Variants in SCGB3A1 observed in about 807,000 individuals in gnomAD.
The protein encoded by SCGB3A1 is cytokine HIN-1.
SCGB3A1 carries 7 observed loss-of-function variants against 7.6 expected under a neutral mutation model. That is an observed-to-expected ratio of 0.93 (90% CI 0.53 to 1.74). SCGB3A1 has a LOEUF of 1.74. SCGB3A1 is among the 40% of genes most tolerant of loss of function. The pLI is 0.00. For missense variants in SCGB3A1, 119 were observed against 129.0 expected, an observed-to-expected ratio of 0.92 and a Z score of 0.38; for synonymous variants, 67 against 66.6, an observed-to-expected ratio of 1.01 and a Z score of -0.03.
intron 1 of SCGB3A1, 188 bp from the exon 2 acceptor site, chr5:180,591,026 C>A (rs1264877825): frequency 3.8e-6 from 2 of 533,260 alleles, no homozygotes; most frequent in South Asian, 2.7e-5. Flanking sequence ...GGGGAGGCGG[C>A]CCCGCCAGGA....
At chr5:180,591,170 G>A in intron 1 of SCGB3A1, 1 of 407,208 alleles carries the variant, frequency 2.5e-6, no homozygotes, top group Non-Finnish European at 4.3e-6. Context: ...GTCTCCAGAC[G>A]GGGGGCAGAC....
chr5:180,590,144 G>T lies in SCGB3A1; in HGVS notation c.*87C>A. The T allele has an allele frequency of 7.1e-7, 1 of 1,418,370 alleles. No homozygotes were observed. Among genetic ancestry groups the T allele is most frequent in the Non-Finnish European group, 9.8e-7 (1 of 1,024,092 alleles). 87.9% of individuals were successfully genotyped at this position (1,418,370 alleles called of 1,614,324 possible). A position where few individuals can be genotyped will look rare whatever the true frequency, so the allele number is the denominator to read the frequency against. On this transcript the variant is annotated 3_prime_UTR_variant, in exon 3 of 3. Transcript: ENST00000292641. Reference sequence around the variant, plus strand: ...TTTATTGAGAGGGGCCGGGGGAAGGGGATGGACGGTCCTCCCCGCGGCGGG... The same window carrying T: ...TTTATTGAGAGGGGCCGGGGGAAGGTGATGGACGGTCCTCCCCGCGGCGGG...
In SCGB3A1 at chr5:180,590,204, C is replaced by T. The variant is rs1414486808; in HGVS notation, c.*27G>A. The T allele has an allele frequency of 6.3e-7, 1 of 1,578,476 alleles. No individual in the cohort carries two copies. The highest frequency in any genetic ancestry group is 1.2e-5 in the South Asian group (1 of 86,058). On this transcript the variant is annotated 3_prime_UTR_variant, in exon 3 of 3. Coordinates refer to ENST00000292641, the MANE Select transcript of SCGB3A1 (RefSeq NM_052863.3). Reference sequence around the variant, plus strand: ...CCTCGCGGGTGGGCAGCGTCTTGTCCTCAGGTGTAGATGCTCCAGTCTCGG... The same window carrying T: ...CCTCGCGGGTGGGCAGCGTCTTGTCTTCAGGTGTAGATGCTCCAGTCTCGG...
At chr5:180,591,274 G>C in intron 1 of SCGB3A1, 137 bp downstream of exon 1, 1 of 679,712 alleles carries the variant, frequency 1.5e-6, no homozygotes, top group Non-Finnish European at 2.0e-6. Context: ...GCGGGGCCCC[G>C]GGGTGGCGGA....
rs747353871 is a variant in SCGB3A1 at position 180,590,744 on chromosome 5, G to C, written c.147C>G (p.Asn49Lys). ...AAEAGAGTLA[N>K]PLGTLNPLKL... is the part of the protein sequence containing the mutation. Reference sequence around the variant, plus strand: ...TCAGCGGGTTGAGGGTGCCGAGGGGGTTGGCCAGGGTCCCGGCCCCGGCCT... The same window carrying C: ...TCAGCGGGTTGAGGGTGCCGAGGGGCTTGGCCAGGGTCCCGGCCCCGGCCT... Residue 49 changes from asparagine to lysine, a missense_variant, in exon 2 of 3, where the codon AAC (asparagine) becomes AAG (lysine). Transcript: ENST00000292641. 2.5e-6 allele frequency: 4 copies of C among 1,583,042 alleles called. No individual in the cohort carries two copies. The South Asian group carries it at 3.5e-5, about 14-fold the overall frequency.
At chr5:180,590,569 G>T (rs762727950) in intron 2 of SCGB3A1, 31 bp downstream of exon 2, 4 of 1,546,880 alleles carry the variant, frequency 2.6e-6, no homozygotes, top group South Asian at 2.3e-5. Context: ...GGATGCCCGC[G>T]CAGGAAGGGC....
chr5:180,590,782 C>T lies in SCGB3A1; in HGVS notation c.109G>A (p.Glu37Lys), dbSNP rs954806841. Residue 37 changes from glutamate to lysine, a missense_variant, in exon 2 of 3, where the codon GAG becomes AAG. Coordinates refer to ENST00000292641, the MANE Select transcript of SCGB3A1 (RefSeq NM_052863.3). Reference sequence around the variant, plus strand: ...CCGGCCCCGGCCTCCGCCGCCGACTCCAGCGCAGCGACAGGCTGGGCCACA... The same window carrying T: ...CCGGCCCCGGCCTCCGCCGCCGACTTCAGCGCAGCGACAGGCTGGGCCACA... The part of the protein sequence containing the change: ...KPVAQPVAAL[E>K]SAAEAGAGTL... 99 of 1,597,534 alleles carry T rather than the reference C, an allele frequency of 6.2e-5. No individual in the cohort carries two copies. The highest frequency in any genetic ancestry group is 7.8e-5 in the Non-Finnish European group (91 of 1,172,744).
chr5:180,590,550 GC>G lies in SCGB3A1; in HGVS notation c.291+49del, dbSNP rs932747188. 7 of 1,456,016 alleles carry G rather than the reference GC, an allele frequency of 4.8e-6. No homozygotes were observed. The African/African-American group carries it at 9.8e-5, about 20-fold the overall frequency. The allele number at this position is 1,456,016 out of a possible 1,614,324, so 90.2% of individuals were successfully genotyped here. ...CACCTCTGGTGCAGTTTTGAGGCTG[GC>G]CGGGAAGGGATGCCCGCGCAGGAAG... is the stretch of plus-strand genomic sequence containing the variant. On this transcript the variant is annotated intron_variant, in intron 2 of 2. Transcript: ENST00000292641.
At chr5:180,590,366 C>G (rs1372261718) in intron 2 of SCGB3A1, 112 bp from the exon 3 acceptor site, 5 of 1,411,448 alleles carry the variant, frequency 3.5e-6, no homozygotes, top group Non-Finnish European at 4.8e-6. Context: ...GTTCCGCTGG[C>G]GTCTCCGGGG....
At chr5:180,590,895 TC>T in intron 1 of SCGB3A1, 57 bp from the exon 2 acceptor site, 2 of 1,339,886 alleles carry the variant, frequency 1.5e-6, no homozygotes, top group Admixed American at 2.2e-5. Context: ...AGAAGGCAGG[TC>T]CAGGACGCGC....
At chr5:180,590,433 C>A (rs1761290575) in intron 2 of SCGB3A1, among the ~76,000 whole-genome samples, 167 bp downstream of exon 2, 1 of 152,226 alleles carries the variant, frequency 6.6e-6, no homozygotes. Context: ...CTCGGATGCG[C>A]CCCACCCAGT....
chr5:180,590,750 C>A lies in SCGB3A1; in HGVS notation c.141G>T (p.Leu47=). ...ESAAEAGAGT[L]ANPLGTLNPL... is the part of the protein sequence containing the mutation. ...GGTTGAGGGTGCCGAGGGGGTTGGC[C>A]AGGGTCCCGGCCCCGGCCTCCGCCG... The change falls in exon 2 of 3, where the codon CTG becomes CTT. Residue 47 remains leucine (L), a synonymous_variant. Coordinates refer to ENST00000292641, the MANE Select transcript of SCGB3A1 (RefSeq NM_052863.3). 6.3e-7 allele frequency: 1 copy of A among 1,583,782 alleles called. No individual in the cohort carries two copies. Among genetic ancestry groups the A allele is most frequent in the East Asian group, 2.3e-5 (1 of 42,822 alleles).
At chr5:180,590,931 G>T (rs1457588344) in intron 1 of SCGB3A1, 93 bp from the exon 2 acceptor site, 4 of 897,716 alleles carry the variant, frequency 4.5e-6, no homozygotes, top group Non-Finnish European at 6.5e-6. Flanking sequence ...CCCAGGAACC[G>T]TCGCGCCCTG....
intron 2 of SCGB3A1, 23 bp downstream of exon 2, chr5:180,590,577 G>A: frequency 1.3e-6 from 2 of 1,577,350 alleles, no homozygotes; most frequent in South Asian, 1.1e-5. Flanking sequence ...GCGCAGGAAG[G>A]GCACCCGGGG....
In SCGB3A1 at chr5:180,590,847, G is replaced by C. The variant is rs1412928683; in HGVS notation, c.53-9C>G. ...CACTAAGAAAGCAGCAGCTGCAAGCGAACAGGGAGGGGTCACCGCCTGCGC... is the reference window on the plus strand; with the variant it reads ...CACTAAGAAAGCAGCAGCTGCAAGCCAACAGGGAGGGGTCACCGCCTGCGC... On this transcript the variant is annotated splice_polypyrimidine_tract_variant and intron_variant, in intron 1 of 2. Coordinates refer to ENST00000292641, the MANE Select transcript of SCGB3A1 (RefSeq NM_052863.3). 2 of 1,595,378 alleles carry C rather than the reference G, an allele frequency of 1.3e-6. No homozygotes were observed. The highest frequency in any genetic ancestry group is 2.2e-5 in the South Asian group (2 of 89,272).
At chr5:180,590,370 TC>T in intron 2 of SCGB3A1, 116 bp from the exon 3 acceptor site, 1 of 1,375,806 alleles carries the variant, frequency 7.3e-7, no homozygotes, top group South Asian at 1.3e-5. Flanking sequence ...CGCTGGCGTC[TC>T]CGGGGGACGC....
chr5:180,591,394 G>A lies in SCGB3A1; in HGVS notation c.52+17C>T. 1 of 1,224,262 alleles carries A rather than the reference G, an allele frequency of 8.2e-7. No homozygotes were observed. Among genetic ancestry groups the A allele is most frequent in the South Asian group, 4.1e-5 (1 of 24,240 alleles). The allele number at this position is 1,224,262 out of a possible 1,614,324, so 75.8% of individuals were successfully genotyped here. ...CCTCAGGCCCCACCGTGCGCGCCAGGAGCCCGGGGCGCTCACCGGAGCTGC... is the reference window on the plus strand; with the variant it reads ...CCTCAGGCCCCACCGTGCGCGCCAGAAGCCCGGGGCGCTCACCGGAGCTGC... On this transcript the variant is annotated intron_variant, in intron 1 of 2. Transcript: ENST00000292641.
chr5:180,590,336 T>C, intron 2 of SCGB3A1, 82 bp from the exon 3 acceptor site: 2 of 1,530,152 alleles, frequency 1.3e-6, no homozygotes, highest in Non-Finnish European at 1.8e-6. Context: ...GCCGGCTCTG[T>C]GGGGAGCGGG....
At chr5:180,591,363 C>T in intron 1 of SCGB3A1, 48 bp downstream of exon 1, 1 of 1,203,522 alleles carries the variant, frequency 8.3e-7, no homozygotes, top group Non-Finnish European at 1.0e-6. Context: ...GCAGCGGGCG[C>T]CGAGGCCTCA....
Sources: allele counts gnomAD v4.1 joint callset (sites outside exome capture counted in the v4.1 genomes callset), GRCh38; gene constraint gnomAD v4.1.1; transcripts MANE v1.5; gene names NCBI Gene and HGNC (gene_info 2026-07-23, HGNC 2026-07-21).